IGSF11: variants seen among roughly 807,000 people sequenced by gnomAD.
The protein encoded by IGSF11 is CXADR like 1.
In IGSF11, 22 loss-of-function variants were observed where a neutral mutation model predicts 41.0. The ratio of observed to expected loss-of-function variants is 0.54; its 90% confidence interval spans 0.38 to 0.77. The LOEUF is 0.77. IGSF11 is among the 30% of genes least tolerant of loss of function. The probability of loss-of-function intolerance (pLI) is 0.00; values close to 1 mark genes in which losing one functional copy is unlikely to be tolerated. For synonymous variants in IGSF11, 219 were observed against 201.3 expected (o/e 1.09, Z -0.74); for missense variants, 444 against 530.8 (o/e 0.84, Z 1.61).
chr3:119,034,394 C>A (rs1940723975), intron 1 of IGSF11, 137 bp downstream of exon 1: 3 of 874,276 alleles, frequency 3.4e-6, no homozygotes, highest in Non-Finnish European at 3.2e-6. Flanking sequence ...GCCGCAGCAA[C>A]GAACGCCGCC....
chr3:118,913,628 T>C (rs1300014109), intron 4 of IGSF11, among the ~76,000 whole-genome samples: 1 of 151,716 alleles, frequency 6.6e-6, no homozygotes, highest in Non-Finnish European at 1.5e-5. Flanking sequence ...CACTCATAGA[T>C]CATCAATGTA....
At chr3:119,012,265 G>T (rs553202662) in intron 1 of IGSF11, among the ~76,000 whole-genome samples, 1 of 152,158 alleles carries the variant, frequency 6.6e-6, no homozygotes, top group African/African-American at 2.4e-5. Flanking sequence ...GTCTCTCAAG[G>T]CAAATTCAGG....
intron 1 of IGSF11, among the ~76,000 whole-genome samples, chr3:119,124,595 A>ATAT (rs2077378518): frequency 1.3e-4 from 20 of 152,048 alleles, no homozygotes; most frequent in Admixed American, 1.3e-3. Context: ...TTGAAGACAG[A>ATAT]CTATTTGAAA....
At chr3:119,017,530 T>G (rs1438968960) in intron 1 of IGSF11, among the ~76,000 whole-genome samples, 1 of 152,218 alleles carries the variant, frequency 6.6e-6, no homozygotes, top group Non-Finnish European at 1.5e-5. Context: ...TGTATTTTCC[T>G]CTTCTCTGTT....
rs1936081637 is a variant in IGSF11 at position 118,994,472 on chromosome 3, C to G, written c.52+40059G>C. 3.3e-5 allele frequency among the ~76,000 whole-genome samples: 5 copies of G among 152,236 alleles called. No homozygotes were observed. The South Asian group carries it at 8.3e-4, about 25-fold the overall frequency. On this transcript the variant is annotated intron_variant, in intron 1 of 6. Transcript: ENST00000393775. Reference sequence around the variant, plus strand: ...AGGAGTTTGAGACCAGCTGGGGCAACATAGTAAGTCCTCATCTCTACCAGA... The same window carrying G: ...AGGAGTTTGAGACCAGCTGGGGCAAGATAGTAAGTCCTCATCTCTACCAGA...
intron 1 of IGSF11, among the ~76,000 whole-genome samples, chr3:119,117,292 G>T (rs1262330511): frequency 3.9e-5 from 6 of 152,074 alleles, no homozygotes; most frequent in Non-Finnish European, 8.8e-5. Flanking sequence ...CCAAAACTAG[G>T]TAATTTATAC....
intron 1 of IGSF11, among the ~76,000 whole-genome samples, chr3:119,028,651 G>T (rs1310727260): frequency 2.6e-5 from 4 of 151,400 alleles, no homozygotes; most frequent in South Asian, 2.1e-4. Flanking sequence ...AATTTCAAAA[G>T]ATCTGTAAGG....
rs1345690209 is a variant in IGSF11, at chr3:118,904,763, T to C, written c.739A>G (p.Ile247Val). 1.2e-6 allele frequency: 2 copies of C among 1,613,308 alleles called. No homozygotes were observed. The highest frequency in any genetic ancestry group is 1.7e-5 in the Admixed American group (1 of 59,930). Residue 247 changes from isoleucine to valine, a missense_variant, in exon 6 of 7, where the codon ATT (isoleucine) becomes GTT (valine). Physicochemically the swap from Ile to Val is conservative, Grantham distance 29. Transcript: ENST00000393775. Reference sequence around the variant, plus strand: ...ATGATAATAACTGCACCAGTGCCAATGGCTCCAGCTATTAGTCCAATGTTC... The same window carrying C: ...ATGATAATAACTGCACCAGTGCCAACGGCTCCAGCTATTAGTCCAATGTTC... ...PRNIGLIAGA[I>V]GTGAVIIIFC...
intron 1 of IGSF11, among the ~76,000 whole-genome samples, chr3:119,123,937 C>T (rs1362226521): frequency 6.6e-6 from 1 of 152,164 alleles, no homozygotes; most frequent in African/African-American, 2.4e-5. Context: ...ATACCTAAGC[C>T]TTCTGCCCAG....
intron 1 of IGSF11, among the ~76,000 whole-genome samples, chr3:119,091,240 T>C (rs558683823): frequency 6.6e-6 from 1 of 152,334 alleles, no homozygotes; most frequent in African/African-American, 2.4e-5. Flanking sequence ...AGGGAACACT[T>C]CTACTTTGTT....
intron 1 of IGSF11, among the ~76,000 whole-genome samples, chr3:119,017,421 T>A (rs1938828413): frequency 6.6e-6 from 1 of 152,124 alleles, no homozygotes; most frequent in Non-Finnish European, 1.5e-5. Context: ...ACAGAAAAGG[T>A]ACAGAGAATA....
chr3:118,968,234 C>A (rs371757256), intron 1 of IGSF11, among the ~76,000 whole-genome samples: 1 of 152,130 alleles, frequency 6.6e-6, no homozygotes, highest in Non-Finnish European at 1.5e-5. Flanking sequence ...AACCAACGCA[C>A]GACTAGGGGA....
chr3:119,137,580 G>A (rs1243668974), intron 1 of IGSF11, among the ~76,000 whole-genome samples: 1 of 151,986 alleles, frequency 6.6e-6, no homozygotes, highest in East Asian at 1.9e-4. Flanking sequence ...CAAAATTAAA[G>A]ACAAATCTAA....
At chr3:119,093,222 G>A (rs746258550) in intron 1 of IGSF11, among the ~76,000 whole-genome samples, 1 of 152,156 alleles carries the variant, frequency 6.6e-6, no homozygotes, top group Non-Finnish European at 1.5e-5. Context: ...GCTGAGCTAC[G>A]TCCGCCTTCA....
At chr3:118,986,785 A>G (rs992385514) in intron 1 of IGSF11, among the ~76,000 whole-genome samples, 6 of 152,216 alleles carry the variant, frequency 3.9e-5, no homozygotes, top group Admixed American at 3.9e-4. Flanking sequence ...TAAGAAAGAG[A>G]AGAACACAGA....
chr3:118,994,900 G>A (rs1936122054), intron 1 of IGSF11, among the ~76,000 whole-genome samples: 1 of 152,112 alleles, frequency 6.6e-6, no homozygotes, highest in Admixed American at 6.5e-5. Context: ...AGACAGGAGA[G>A]GAATGGTACA....
At chr3:119,014,737 G>A (rs908414459) in intron 1 of IGSF11, among the ~76,000 whole-genome samples, 1 of 152,158 alleles carries the variant, frequency 6.6e-6, no homozygotes, top group Admixed American at 6.5e-5. Context: ...ATAGAAGCAG[G>A]AGGAAAGAGT....
intron 1 of IGSF11, among the ~76,000 whole-genome samples, chr3:118,991,136 C>T (rs1264656453): frequency 1.3e-5 from 2 of 152,192 alleles, no homozygotes; most frequent in Non-Finnish European, 2.9e-5. Flanking sequence ...AGTGGAAGCA[C>T]TGGGCAAACA....
At chr3:119,007,589 C>T (rs542874467) in intron 1 of IGSF11, among the ~76,000 whole-genome samples, 3 of 152,180 alleles carry the variant, frequency 2.0e-5, no homozygotes, top group Admixed American at 6.5e-5. Flanking sequence ...AGGAATTCTC[C>T]CCCAACCATC....
Sources: gnomAD v4.1 joint callset for allele counts (sites outside exome capture counted in the v4.1 genomes callset) on GRCh38, gnomAD v4.1.1 for gene constraint, MANE v1.5 for transcripts, NCBI Gene and HGNC (gene_info 2026-07-23, HGNC 2026-07-21) for gene names.